Variants in SLC38A8 observed in about 807,000 individuals in gnomAD.
The protein encoded by SLC38A8 is amino acid transporter SLC38A8.
A neutral mutation model predicts 46.0 loss-of-function variants in SLC38A8; 65 were observed. The observed-to-expected ratio is 1.41, with a 90% CI of 1.16 to 1.74. The LOEUF (loss-of-function observed/expected upper bound fraction) is 1.74. Ranked by LOEUF, SLC38A8 falls within the 40% of genes most tolerant of loss-of-function variation. The pLI, the probability that SLC38A8 is intolerant of heterozygous loss-of-function variation, is 0.00. For missense variants in SLC38A8, 998 were observed against 567.9 expected (o/e 1.76, Z -7.70); for synonymous variants, 447 against 243.7 (o/e 1.83, Z -7.77).
chr16:84,022,278 C>T (rs991391700), intron 7 of SLC38A8, among the ~76,000 whole-genome samples: 2 of 152,234 alleles, frequency 1.3e-5, no homozygotes, highest in Non-Finnish European at 2.9e-5. Context: ...TGGGACTGTC[C>T]TTCCAATGCA....
intron 6 of SLC38A8, among the ~76,000 whole-genome samples, chr16:84,024,355 T>G (rs1029258050): frequency 1.3e-5 from 2 of 152,186 alleles, no homozygotes; most frequent in Non-Finnish European, 2.9e-5. Flanking sequence ...AAGCATTTTT[T>G]TTTGGTAGAG....
At chr16:84,033,548 T>C (rs962321270) in intron 3 of SLC38A8, 79 bp from the exon 4 acceptor site, 5 of 1,465,008 alleles carry the variant, frequency 3.4e-6, no homozygotes, top group South Asian at 1.4e-5. Context: ...CCTTCAACCC[T>C]GGCTGGGGTT....
chr16:84,037,571 G>A (rs1467432233), intron 2 of SLC38A8, among the ~76,000 whole-genome samples: 1 of 152,028 alleles, frequency 6.6e-6, no homozygotes, highest in African/African-American at 2.4e-5. Context: ...GACCAGCCTG[G>A]CCAACATGGA....
At chr16:84,026,833 G>A (rs1306188726) in intron 6 of SLC38A8, among the ~76,000 whole-genome samples, 2 of 152,152 alleles carry the variant, frequency 1.3e-5, no homozygotes, top group Non-Finnish European at 2.9e-5. Flanking sequence ...GGTGGCCATC[G>A]TAGGCAAATC....
intron 2 of SLC38A8, among the ~76,000 whole-genome samples, chr16:84,037,220 A>G (rs2326160): frequency 0.24 from 37,012 of 152,102 alleles, 4,564 homozygotes; most frequent in South Asian, 0.28. Flanking sequence ...TTACTCTCCT[A>G]AAATCGCCTG....
intron 6 of SLC38A8, among the ~76,000 whole-genome samples, chr16:84,024,604 A>C (rs2085139287): frequency 2.0e-5 from 3 of 152,020 alleles, no homozygotes; most frequent in South Asian, 4.1e-4. Context: ...AACATGGTGA[A>C]ACCCCGTCTC....
intron 6 of SLC38A8, among the ~76,000 whole-genome samples, chr16:84,024,107 T>G (rs1265242865): frequency 2.0e-5 from 3 of 152,012 alleles, no homozygotes; most frequent in African/African-American, 7.2e-5. Flanking sequence ...ACAGCCCCCC[T>G]CCCCCAAGTT....
intron 9 of SLC38A8, among the ~76,000 whole-genome samples, chr16:84,015,282 G>A (rs1376798248): frequency 3.3e-5 from 5 of 152,128 alleles, no homozygotes; most frequent in East Asian, 1.9e-4. Flanking sequence ...CTTTTCCACT[G>A]GAAGAAGCAT....
intron 3 of SLC38A8, among the ~76,000 whole-genome samples, chr16:84,036,132 A>C (rs527839783): frequency 1.3e-5 from 2 of 152,364 alleles, no homozygotes; most frequent in African/African-American, 4.8e-5. Flanking sequence ...AAGGAATCTA[A>C]AAAACTCCTC....
In SLC38A8 at chr16:84,023,286, A is replaced by T. The variant is rs1035507853; in HGVS notation, c.691-397T>A. On this transcript the variant is annotated intron_variant, in intron 6 of 10. Coordinates refer to ENST00000299709, the MANE Select transcript of SLC38A8 (RefSeq NM_001080442.3). ...AGTTTAGATTGTGCGGCCCAACCCC[A>T]GCCAATGGGAAAAGGGTACAGGAGC... is the stretch of plus-strand genomic sequence containing the variant. Among the ~76,000 whole-genome samples, 4 of 152,258 alleles carry T rather than the reference A, an allele frequency of 2.6e-5. No individual in the cohort carries two copies. The East Asian group carries it at 7.7e-4, about 29-fold the overall frequency.
chr16:84,031,893 G>A lies in SLC38A8; in HGVS notation c.606C>T (p.Leu202=), dbSNP rs773328144. Residue 202 remains leucine, a synonymous_variant, in exon 5 of 11, where the codon CTC becomes CTT. Coordinates refer to ENST00000299709, the MANE Select transcript of SLC38A8 (RefSeq NM_001080442.3). ...TVQYYLWPQG[L]VRESHPSLSP... ...TCAGTGAAGGATGGGACTCACGCAC[G>A]AGGCCCTGGGGCCAGAGGTAGTACT... 2.1e-5 allele frequency: 34 copies of A among 1,614,032 alleles called. No homozygotes were observed. The highest frequency in any genetic ancestry group is 8.8e-5 in the South Asian group (8 of 91,090).
intron 6 of SLC38A8, among the ~76,000 whole-genome samples, chr16:84,027,619 T>G (rs2085180927): frequency 6.6e-6 from 1 of 152,090 alleles, no homozygotes; most frequent in African/African-American, 2.4e-5. Context: ...GCACCTTCAG[T>G]TACATTTATT....
intron 6 of SLC38A8, among the ~76,000 whole-genome samples, chr16:84,026,210 G>A (rs577367547): frequency 7.3e-5 from 11 of 151,412 alleles, no homozygotes; most frequent in Non-Finnish European, 1.0e-4. Context: ...GTTTGACTCC[G>A]CAGTTGGGTT....
rs371855940 is a variant in SLC38A8 at position 84,036,904 on chromosome 16, C to G, written c.190-4G>C. 2 of 1,608,380 alleles carry G rather than the reference C, an allele frequency of 1.2e-6. No homozygotes were observed. Among genetic ancestry groups the G allele is most frequent in the South Asian group, 2.2e-5 (2 of 90,436 alleles). ...TGATCAGGAAGACCAACGAGACCTG[C>G]GGAGAAGGAGCAGGACCTGGAACTG... On this transcript the variant is annotated splice_polypyrimidine_tract_variant and splice_region_variant and intron_variant, in intron 2 of 10. Transcript: ENST00000299709.
intron 9 of SLC38A8, 37 bp downstream of exon 9, chr16:84,016,482 A>G: frequency 6.2e-7 from 1 of 1,605,308 alleles, no homozygotes; most frequent in Non-Finnish European, 8.5e-7. Context: ...GCAGGGAAGA[A>G]CAAGTGGGCA....
At chr16:84,025,301 G>A (rs781350528) in intron 6 of SLC38A8, among the ~76,000 whole-genome samples, 13 of 152,216 alleles carry the variant, frequency 8.5e-5, no homozygotes, top group East Asian at 1.9e-4. Context: ...GGGACCCTAC[G>A]CAGGAAGCTC....
chr16:84,030,845 G>A (rs1244665843), intron 5 of SLC38A8, among the ~76,000 whole-genome samples: 4 of 151,562 alleles, frequency 2.6e-5, no homozygotes, highest in South Asian at 2.1e-4. Flanking sequence ...GACTGTAGGG[G>A]TCGCACACCC....
intron 6 of SLC38A8, among the ~76,000 whole-genome samples, chr16:84,027,510 T>C (rs1300936614): frequency 5.3e-5 from 8 of 152,206 alleles, no homozygotes; most frequent in Non-Finnish European, 2.9e-5. Context: ...CAAATGTGTT[T>C]GGGCGGGGAC....
intron 6 of SLC38A8, among the ~76,000 whole-genome samples, chr16:84,025,691 T>C (rs2085155558): frequency 6.6e-6 from 1 of 152,144 alleles, no homozygotes; most frequent in South Asian, 2.1e-4. Flanking sequence ...TCCTCCTCGG[T>C]GCAAGTGAGC....
Sources: allele counts gnomAD v4.1 joint callset (sites outside exome capture counted in the v4.1 genomes callset), GRCh38; gene constraint gnomAD v4.1.1; transcripts MANE v1.5; gene names NCBI Gene and HGNC (gene_info 2026-07-23, HGNC 2026-07-21).